KIAA1217: variants seen among roughly 807,000 people sequenced by gnomAD.
KIAA1217 encodes the protein sickle tail protein homolog.
In KIAA1217, 88 loss-of-function variants were observed where a neutral mutation model predicts 163.9. The observed-to-expected ratio is 0.54, with a 90% CI of 0.45 to 0.64. The LOEUF (loss-of-function observed/expected upper bound fraction) is 0.64, where lower values mean the gene tolerates loss of function less well. Among genes scored for constraint, KIAA1217 ranks in the 30% least tolerant of loss-of-function variants. KIAA1217 has a pLI of 0.00. For missense variants in KIAA1217, 2,372 were observed against 2,475.0 expected (o/e 0.96, Z 0.88); for synonymous variants, 903 against 923.1 (o/e 0.98, Z 0.39).
chr10:23,769,258 G>C (rs539766242), intron 1 of KIAA1217, among the ~76,000 whole-genome samples: 1 of 152,154 alleles, frequency 6.6e-6, no homozygotes, highest in African/African-American at 2.4e-5. Context: ...GCAGTTCTTG[G>C]GTGGGGTCCA....
At chr10:24,201,165 G>A (rs551953972) in intron 2 of KIAA1217, among the ~76,000 whole-genome samples, 35 of 152,188 alleles carry the variant, frequency 2.3e-4, no homozygotes, top group African/African-American at 8.2e-4. Context: ...CAGCTACCAC[G>A]GAGGATGAGG....
intron 6 of KIAA1217, among the ~76,000 whole-genome samples, chr10:24,476,862 GAC>G (rs573220564): frequency 6.6e-6 from 1 of 150,960 alleles, no homozygotes. Context: ...CAAAGACACA[GAC>G]ACACACAGAC....
chr10:24,268,569 G>C, intron 2 of KIAA1217, among the ~76,000 whole-genome samples: 1 of 140,302 alleles, frequency 7.1e-6, no homozygotes, highest in East Asian at 2.1e-4. Flanking sequence ...ACAGGTGCTG[G>C]AGAGGATGTG....
At chr10:23,762,658 A>G (rs1416762503) in intron 1 of KIAA1217, among the ~76,000 whole-genome samples, 1 of 152,218 alleles carries the variant, frequency 6.6e-6, no homozygotes, top group African/African-American at 2.4e-5. Context: ...CACAGCCAAT[A>G]TCATATTGAA....
At chr10:24,468,607 G>A (rs907597259) in intron 5 of KIAA1217, among the ~76,000 whole-genome samples, 2 of 152,198 alleles carry the variant, frequency 1.3e-5, no homozygotes, top group African/African-American at 4.8e-5. Context: ...CCTTTTGGAT[G>A]ATGGCAAGAT....
chr10:24,542,484 A>T lies in KIAA1217; in HGVS notation c.3535-209A>T, dbSNP rs2075237288. The T allele has an allele frequency of 4.3e-6, 6 of 1,396,920 alleles. No homozygotes were observed. In the South Asian group the frequency reaches 1.1e-4, roughly 26 times the overall value. The allele number at this position is 1,396,920 out of a possible 1,614,324, so 86.5% of individuals were successfully genotyped here. A position where few individuals can be genotyped will look rare whatever the true frequency, so the allele number is the denominator to read the frequency against. ...TTCTTGAAATCTTTTGCTAATTGAG[A>T]TTTTCATCTTGTGCAAACACAGGGC... is the stretch of plus-strand genomic sequence containing the variant. On this transcript the variant is annotated intron_variant, in intron 17 of 20. Transcript: ENST00000376454.
chr10:24,334,438 T>TGGAAGGAA (rs60016533), intron 2 of KIAA1217, among the ~76,000 whole-genome samples: 12,460 of 81,984 alleles, frequency 0.15, 754 homozygotes, highest in African/African-American at 0.17. Context: ...GAGGGAAGGA[T>TGGAAGGAA]GGAAGGAAGG....
intron 2 of KIAA1217, among the ~76,000 whole-genome samples, chr10:24,197,797 A>G (rs1288673413): frequency 6.6e-6 from 1 of 152,180 alleles, no homozygotes; most frequent in African/African-American, 2.4e-5. Flanking sequence ...CTCAAACACA[A>G]ATCTGATCAT....
chr10:24,289,584 A>G (rs915580368), intron 2 of KIAA1217, among the ~76,000 whole-genome samples: 2 of 152,188 alleles, frequency 1.3e-5, no homozygotes, highest in African/African-American at 4.8e-5. Flanking sequence ...TTTTCCAACA[A>G]AGATCTTCCA....
chr10:24,158,189 G>A, intron 2 of KIAA1217: 8 of 741,684 alleles, frequency 1.1e-5, no homozygotes, highest in Non-Finnish European at 1.3e-5. Context: ...ATGATGCAGA[G>A]TCCTCTTACT....
At chr10:23,905,455 G>C (rs1399599054) in intron 1 of KIAA1217, among the ~76,000 whole-genome samples, 1 of 151,998 alleles carries the variant, frequency 6.6e-6, no homozygotes, top group African/African-American at 2.4e-5. Context: ...ATGCTTTACA[G>C]ATGATGACAG....
At chr10:24,236,272 A>G (rs963306919) in intron 2 of KIAA1217, among the ~76,000 whole-genome samples, 1 of 150,092 alleles carries the variant, frequency 6.7e-6, no homozygotes, top group Non-Finnish European at 1.5e-5. Context: ...CTTTTTTTCG[A>G]CGGCGTTTTG....
At chr10:23,952,387 A>G (rs1844377822) in intron 1 of KIAA1217, among the ~76,000 whole-genome samples, 1 of 152,152 alleles carries the variant, frequency 6.6e-6, no homozygotes, top group Non-Finnish European at 1.5e-5. Flanking sequence ...GTGTCTCACA[A>G]AGGTAGGAAT....
chr10:24,415,810 G>C (rs1379442082), intron 3 of KIAA1217, among the ~76,000 whole-genome samples: 1 of 152,202 alleles, frequency 6.6e-6, no homozygotes, highest in African/African-American at 2.4e-5. Flanking sequence ...GGCCAGGGCT[G>C]AGAGAAGGAC....
At chr10:24,411,614 ATG>A (rs1226439419) in intron 3 of KIAA1217, among the ~76,000 whole-genome samples, 1 of 152,148 alleles carries the variant, frequency 6.6e-6, no homozygotes, top group East Asian at 1.9e-4. Flanking sequence ...TTGTGTATGC[ATG>A]TGTGTGTGTA....
chr10:24,177,224 C>T (rs1024567469), intron 2 of KIAA1217, among the ~76,000 whole-genome samples: 2 of 130,978 alleles, frequency 1.5e-5, no homozygotes, highest in African/African-American at 2.9e-5. Flanking sequence ...CGAAAGCGAG[C>T]GAGGGCTGCT....
intron 17 of KIAA1217, 55 bp downstream of exon 17, chr10:24,536,948 C>G (rs539539135): frequency 6.2e-7 from 1 of 1,602,654 alleles, no homozygotes; most frequent in Non-Finnish European, 8.5e-7. Context: ...CTTCCTTGCT[C>G]TGACACTAAC....
chr10:24,281,560 T>C lies in KIAA1217; in HGVS notation c.354+61651T>C, dbSNP rs926597540. 7.2e-5 allele frequency among the ~76,000 whole-genome samples: 11 copies of C among 152,314 alleles called. No individual in the cohort carries two copies. In the East Asian group the frequency reaches 1.9e-3, roughly 27 times the overall value. ...GCTTGGTAAGATCTGTTCCTTAGGC[T>C]CTTGGCTATGACAGTTTCTCAGACT... On this transcript the variant is annotated intron_variant, in intron 2 of 20. Transcript: ENST00000376454.
At chr10:24,258,836 G>A (rs573308560) in intron 2 of KIAA1217, among the ~76,000 whole-genome samples, 6 of 152,074 alleles carry the variant, frequency 3.9e-5, no homozygotes, top group Admixed American at 2.6e-4. Flanking sequence ...CTCGTGATCC[G>A]CCCGCCTGGG....
Sources: allele counts gnomAD v4.1 joint callset (sites outside exome capture counted in the v4.1 genomes callset), GRCh38; gene constraint gnomAD v4.1.1; transcripts MANE v1.5; gene names NCBI Gene and HGNC (gene_info 2026-07-23, HGNC 2026-07-21).